The following GRIA2 variants were observed in gnomAD, a reference collection of about 807,000 sequenced individuals.
GRIA2 encodes the protein glutamate receptor 2.
In GRIA2, 14 loss-of-function variants were observed where a neutral mutation model predicts 97.3. The observed-to-expected ratio is 0.14, with a 90% confidence interval of 0.10 to 0.23. The LOEUF is 0.23. Among genes scored for constraint, GRIA2 ranks in the 10% least tolerant of loss-of-function variants. The probability of loss-of-function intolerance (pLI) is 1.00; values close to 1 mark genes in which losing one functional copy is unlikely to be tolerated. For synonymous variants in GRIA2, 412 were observed against 387.8 expected, an observed-to-expected ratio of 1.06 and a Z score of -0.73; for missense variants, 558 against 1,069.8, an observed-to-expected ratio of 0.52 and a Z score of 6.67.
chr4:157,355,952 T>C (rs184777534), intron 12 of GRIA2, among the ~76,000 whole-genome samples: 1 of 2,674 alleles, frequency 3.7e-4, no homozygotes. Context: ...AATATATATT[T>C]ATATATTTAT....
At chr4:157,240,719 A>G (rs1417747042) in intron 2 of GRIA2, among the ~76,000 whole-genome samples, 1 of 133,544 alleles carries the variant, frequency 7.5e-6, no homozygotes, top group African/African-American at 2.8e-5. Flanking sequence ...TTTTTCTTTT[A>G]TTTTTATACT....
chr4:157,263,427 G>A (rs746774087), intron 2 of GRIA2, among the ~76,000 whole-genome samples: 1 of 151,668 alleles, frequency 6.6e-6, no homozygotes, highest in African/African-American at 2.4e-5. Flanking sequence ...AAAGTGGTTC[G>A]AAAACAGTAT....
chr4:157,241,155 A>G lies in GRIA2; in HGVS notation c.229+19348A>G, dbSNP rs117030243. ...TTATCTGAGTATTTGCATGTTTGCA[A>G]TGGTTTTAATTCTCCTCTCATATGT... On this transcript the variant is annotated intron_variant, in intron 2 of 15. Transcript: ENST00000264426. 3.0e-3 allele frequency among the ~76,000 whole-genome samples: 453 copies of G among 152,186 alleles called. 5 individuals carry two copies. The highest frequency in any genetic ancestry group is 9.7e-3 in the East Asian group (50 of 5,170).
At chr4:157,319,894 A>G (rs114070854) in intron 5 of GRIA2, among the ~76,000 whole-genome samples, 2 of 152,226 alleles carry the variant, frequency 1.3e-5, no homozygotes, top group African/African-American at 2.4e-5. Flanking sequence ...AAGTGGTCAT[A>G]AGGAAATCCA....
intron 12 of GRIA2, among the ~76,000 whole-genome samples, chr4:157,357,022 CA>C (rs1736414041): frequency 6.6e-6 from 1 of 152,100 alleles, no homozygotes; most frequent in African/African-American, 2.4e-5. Flanking sequence ...ATGAGAAGCC[CA>C]AAACTTTGCT....
intron 2 of GRIA2, among the ~76,000 whole-genome samples, chr4:157,282,823 G>T (rs1412182094): frequency 1.3e-5 from 2 of 151,986 alleles, no homozygotes; most frequent in Non-Finnish European, 2.9e-5. Flanking sequence ...ACTATCGTTG[G>T]CCTGAGCCCA....
intron 6 of GRIA2, among the ~76,000 whole-genome samples, chr4:157,323,907 A>G (rs1734695458): frequency 6.6e-6 from 1 of 152,042 alleles, no homozygotes; most frequent in Non-Finnish European, 1.5e-5. Context: ...GCCCATTTTC[A>G]GAGAGATCAT....
rs199965016 is a variant in GRIA2, at chr4:157,332,875, C to G, written c.939C>G (p.Asn313Lys). 1 of 1,612,436 alleles carries G rather than the reference C, an allele frequency of 6.2e-7. No individual in the cohort carries two copies. Among genetic ancestry groups the G allele is most frequent in the East Asian group, 2.2e-5 (1 of 44,830 alleles). The change falls in exon 7 of 16, where the codon AAC becomes AAG. Residue 313 changes from asparagine to lysine, a missense_variant. This residue lies in a region of GRIA2 where 173 missense variants were observed against 209.1 expected (regional missense o/e 0.83). Coordinates refer to ENST00000264426, the MANE Select transcript of GRIA2 (RefSeq NM_001083619.3). ...AAGTGATGACTGAAGCCTTCCGCAA[C>G]CTAAGGAAGCAAAGAATTGAAATCT... ...AVQVMTEAFR[N>K]LRKQRIEISR...
chr4:157,282,708 G>A (rs1476654180), intron 2 of GRIA2, among the ~76,000 whole-genome samples: 1 of 152,034 alleles, frequency 6.6e-6, no homozygotes, highest in African/African-American at 2.4e-5. Flanking sequence ...AAAATATATT[G>A]TTAAAGATTT....
chr4:157,297,525 T>G (rs1733403292), intron 2 of GRIA2, among the ~76,000 whole-genome samples: 1 of 152,246 alleles, frequency 6.6e-6, no homozygotes, highest in South Asian at 2.1e-4. Flanking sequence ...GTAATATTTT[T>G]ATCGTTTTTT....
intron 2 of GRIA2, among the ~76,000 whole-genome samples, chr4:157,247,701 G>T (rs567673478): frequency 1.3e-5 from 2 of 152,204 alleles, no homozygotes; most frequent in East Asian, 3.9e-4. Flanking sequence ...AGAAAGCTGA[G>T]ATCAGAGTTA....
At chr4:157,272,828 T>A (rs1449597155) in intron 2 of GRIA2, among the ~76,000 whole-genome samples, 2 of 152,000 alleles carry the variant, frequency 1.3e-5, no homozygotes, top group Non-Finnish European at 2.9e-5. Context: ...TCATTTAAGA[T>A]CAGGGAAAAT....
chr4:157,236,086 C>A (rs1025880217), intron 2 of GRIA2, among the ~76,000 whole-genome samples: 1 of 151,870 alleles, frequency 6.6e-6, no homozygotes, highest in Admixed American at 6.6e-5. Context: ...GTTGATGCAG[C>A]TTTAACATGT....
At chr4:157,339,027 C>T (rs940219340) in intron 11 of GRIA2, among the ~76,000 whole-genome samples, 4 of 151,800 alleles carry the variant, frequency 2.6e-5, no homozygotes, top group African/African-American at 4.8e-5. Flanking sequence ...TAATAGGACA[C>T]ATTTAAGTTG....
chr4:157,340,503 T>A (rs1278824625), intron 11 of GRIA2, among the ~76,000 whole-genome samples: 1 of 151,984 alleles, frequency 6.6e-6, no homozygotes, highest in Non-Finnish European at 1.5e-5. Context: ...AATATTGTTA[T>A]TTTATTATAC....
intron 2 of GRIA2, among the ~76,000 whole-genome samples, chr4:157,236,315 T>A (rs4260586): frequency 0.41 from 62,102 of 151,840 alleles, 14,808 homozygotes; most frequent in African/African-American, 0.67. Flanking sequence ...TTTCACCTCA[T>A]TTCTATGTCT....
intron 2 of GRIA2, among the ~76,000 whole-genome samples, chr4:157,255,818 C>A (rs1291042472): frequency 6.6e-6 from 1 of 151,544 alleles, no homozygotes; most frequent in African/African-American, 2.4e-5. Flanking sequence ...ACATAAAAAC[C>A]AAATAACCCT....
At chr4:157,358,342 A>G (rs1324273884) in intron 12 of GRIA2, among the ~76,000 whole-genome samples, 4 of 152,158 alleles carry the variant, frequency 2.6e-5, no homozygotes, top group African/African-American at 9.7e-5. Context: ...ACTATGTACA[A>G]AGCTTCATGC....
intron 3 of GRIA2, among the ~76,000 whole-genome samples, chr4:157,305,359 C>G (rs957620859): frequency 2.6e-5 from 4 of 152,112 alleles, no homozygotes; most frequent in Non-Finnish European, 5.9e-5. Context: ...AGTCCCTCAT[C>G]TCTCCAGTTC....
Sources: gnomAD v4.1 joint callset for allele counts (sites outside exome capture counted in the v4.1 genomes callset) on GRCh38, gnomAD v4.1.1 for gene constraint, gnomAD v4.1.1 regional missense constraint, MANE v1.5 for transcripts, NCBI Gene and HGNC (gene_info 2026-07-23, HGNC 2026-07-21) for gene names.